Variants in DMXL2 observed in about 807,000 individuals in gnomAD.
The protein encoded by DMXL2 is Dmx like 2, also known as dmX-like protein 2.
A neutral mutation model predicts 331.1 loss-of-function variants in DMXL2; 103 were observed. The ratio of observed to expected loss-of-function variants is 0.31; its 90% CI spans 0.27 to 0.37. The LOEUF is 0.37. DMXL2 is among the 10% of genes least tolerant of loss of function. The pLI, the probability that DMXL2 is intolerant of heterozygous loss-of-function variation, is 1.00. For synonymous variants in DMXL2, 1,281 were observed against 1,252.1 expected (o/e 1.02, Z -0.49); for missense variants, 3,171 against 3,642.9 (o/e 0.87, Z 3.33).
intron 14 of DMXL2, among the ~76,000 whole-genome samples, chr15:51,515,375 T>C (rs2046978516): frequency 6.6e-6 from 1 of 152,106 alleles, no homozygotes; most frequent in Admixed American, 6.6e-5. Context: ...GAGGAGTCTA[T>C]AATCTTATAG....
Position 51,481,614 on chromosome 15 carries a change from TTGA to T in DMXL2, c.5489_5491del (p.Ile1830del), listed in dbSNP as rs757745127. The T allele has an allele frequency of 4.5e-6, 7 of 1,550,132 alleles. No homozygotes were observed. The highest frequency in any genetic ancestry group is 4.3e-6 in the Non-Finnish European group (5 of 1,152,072). ...ACTAAATGCCACCGGGTTACAAGAC[TTGA>T]TGATAACTATAGAAATCAAACAGAT... On this transcript the variant is annotated inframe_deletion, in exon 24 of 44. Transcript: ENST00000560891.
intron 1 of DMXL2, among the ~76,000 whole-genome samples, chr15:51,616,559 T>A (rs556706054): frequency 6.6e-6 from 1 of 152,284 alleles, no homozygotes; most frequent in East Asian, 1.9e-4. Context: ...ACTAACATAA[T>A]GCAAAAGGAT....
rs115725821 is a variant in DMXL2 at position 51,615,125 on chromosome 15, T to C, written c.87+7334A>G. Among the ~76,000 whole-genome samples the C allele has an allele frequency of 2.2e-3, 337 of 152,288 alleles. 5 individuals carry two copies. Among genetic ancestry groups the C allele is most frequent in the African/African-American group, 8.0e-3 (331 of 41,560 alleles). On this transcript the variant is annotated intron_variant, in intron 1 of 43. Coordinates refer to ENST00000560891, the MANE Select transcript of DMXL2 (RefSeq NM_001378457.1). ...AAAGTAAAGAAAAGTGGAGTTGCTA[T>C]TTATTGATTTAGGGAAGACTGGAAG...
intron 2 of DMXL2, among the ~76,000 whole-genome samples, chr15:51,574,710 A>G (rs2050901499): frequency 6.6e-6 from 1 of 152,252 alleles, no homozygotes; most frequent in East Asian, 1.9e-4. Context: ...CAATAAAGAC[A>G]ATAAAGATAT....
At chr15:51,536,977 C>T (rs1419932459) in intron 11 of DMXL2, 115 bp from the exon 12 acceptor site, 3 of 871,924 alleles carry the variant, frequency 3.4e-6, no homozygotes, top group Non-Finnish European at 5.1e-6. Flanking sequence ...CATTTTCAAC[C>T]TCTTTATGGT....
intron 13 of DMXL2, among the ~76,000 whole-genome samples, chr15:51,521,414 C>CTAGTAG (rs10667947): frequency 0.1 from 14,800 of 141,860 alleles, 828 homozygotes; most frequent in Non-Finnish European, 0.11. Flanking sequence ...TAAAAGTTTG[C>CTAGTAG]TAGTAGTAGT....
At chr15:51,474,915 A>G (rs534329148) in intron 27 of DMXL2, among the ~76,000 whole-genome samples, 31 of 152,316 alleles carry the variant, frequency 2.0e-4, no homozygotes, top group African/African-American at 7.5e-4. Flanking sequence ...GTAATACCTG[A>G]TTCAGGCAAA....
chr15:51,461,416 T>C (rs1019409435), intron 33 of DMXL2, among the ~76,000 whole-genome samples: 3 of 152,236 alleles, frequency 2.0e-5, no homozygotes, highest in African/African-American at 7.2e-5. Context: ...CCAGTCAAGC[T>C]GCTATCAACC....
intron 40 of DMXL2, among the ~76,000 whole-genome samples, chr15:51,454,493 G>A (rs530925127): frequency 9.9e-5 from 15 of 152,216 alleles, no homozygotes; most frequent in African/African-American, 2.2e-4. Context: ...CAGATGTTTG[G>A]AACCTGATTC....
intron 29 of DMXL2, among the ~76,000 whole-genome samples, chr15:51,466,738 T>A (rs2040612163): frequency 6.6e-6 from 1 of 152,074 alleles, no homozygotes; most frequent in Non-Finnish European, 1.5e-5. Flanking sequence ...GTGTAAAAAC[T>A]GTAATTCTTT....
At chr15:51,507,663 C>T (rs1596051857) in intron 15 of DMXL2, among the ~76,000 whole-genome samples, 1 of 151,972 alleles carries the variant, frequency 6.6e-6, no homozygotes, top group East Asian at 1.9e-4. Context: ...GGGAAGGAAG[C>T]GGGGTGCTGA....
intron 13 of DMXL2, among the ~76,000 whole-genome samples, chr15:51,527,601 C>T (rs1432392342): frequency 1.3e-5 from 2 of 151,744 alleles, no homozygotes; most frequent in Non-Finnish European, 2.9e-5. Context: ...TGGCAGTGTG[C>T]GAGTGAGCTA....
chr15:51,581,238 A>G (rs2051392946), intron 1 of DMXL2, among the ~76,000 whole-genome samples: 1 of 152,184 alleles, frequency 6.6e-6, no homozygotes, highest in Non-Finnish European at 1.5e-5. Flanking sequence ...TGCACATGCT[A>G]GGGATGTAGG....
intron 4 of DMXL2, among the ~76,000 whole-genome samples, chr15:51,564,750 C>T (rs1415542535): frequency 2.6e-5 from 4 of 152,026 alleles, no homozygotes. Flanking sequence ...TTTCCTGATA[C>T]AAATGATAAA....
chr15:51,568,857 A>G (rs2141078267), intron 2 of DMXL2, among the ~76,000 whole-genome samples: 1 of 152,020 alleles, frequency 6.6e-6, no homozygotes, highest in South Asian at 2.1e-4. Flanking sequence ...ACAGCTCCCA[A>G]CGAGATGGAC....
At position 51,457,400 on chromosome 15, in the gene DMXL2, T is replaced by C. The variant is rs748676049; in HGVS notation, c.8265A>G (p.Ser2755=). ...TLYQPSATSY[S]ASQVHPPSSL... ...ATGAAGGTGGATGCACCTGACTTGC[T>C]GAATAGGATGTTGCACTGGGTTGAT... Residue 2755 remains serine, a synonymous_variant, in exon 37 of 44, where the codon TCA becomes TCG. Transcript: ENST00000560891. The C allele has an allele frequency of 1.2e-6, 2 of 1,614,230 alleles. No homozygotes were observed. Among genetic ancestry groups the C allele is most frequent in the South Asian group, 1.1e-5 (1 of 91,088 alleles).
intron 16 of DMXL2, among the ~76,000 whole-genome samples, chr15:51,504,814 C>T (rs1256084607): frequency 3.3e-5 from 5 of 152,000 alleles, no homozygotes; most frequent in Non-Finnish European, 7.3e-5. Flanking sequence ...TCACCACCAT[C>T]TCTGGCTACT....
chr15:51,456,234 A>C (rs1259659641), intron 38 of DMXL2, 41 bp from the exon 39 acceptor site: 1 of 1,603,968 alleles, frequency 6.2e-7, no homozygotes, highest in Admixed American at 1.7e-5. Context: ...GAAATTAAAG[A>C]GTTCCAATAT....
chr15:51,616,935 TAAAAAAA>T (rs34051640), intron 1 of DMXL2, among the ~76,000 whole-genome samples: 2 of 81,232 alleles, frequency 2.5e-5, no homozygotes, highest in Non-Finnish European at 4.5e-5. Context: ...AGACTCCATC[TAAAAAAA>T]AAAAAAAAAA....
Sources: gnomAD v4.1 joint callset for allele counts (sites outside exome capture counted in the v4.1 genomes callset) on GRCh38, gnomAD v4.1.1 for gene constraint, MANE v1.5 for transcripts, NCBI Gene and HGNC (gene_info 2026-07-23, HGNC 2026-07-21) for gene names.